RWDD4: variants seen among roughly 807,000 people sequenced by gnomAD.
RWDD4 encodes the protein RWD domain-containing protein 4.
In RWDD4, 16 loss-of-function variants were observed where a neutral mutation model predicts 30.0. The ratio of observed to expected loss-of-function variants is 0.53; its 90% CI spans 0.36 to 0.81. The LOEUF (loss-of-function observed/expected upper bound fraction) is 0.81, where lower values mean the gene tolerates loss of function less well. Ranked by LOEUF, RWDD4 falls within the 30% of genes least tolerant of loss-of-function variation. The pLI is 0.00. For missense variants in RWDD4, 170 were observed against 223.9 expected (o/e 0.76, Z 1.54); for synonymous variants, 45 against 72.1 (o/e 0.62, Z 1.90).
At chr4:183,646,457 G>A in intron 6 of RWDD4, 31 bp downstream of exon 6, 1 of 1,605,032 alleles carries the variant, frequency 6.2e-7, no homozygotes, top group East Asian at 2.2e-5. Flanking sequence ...ATTGTAACAA[G>A]TTTAAAGACT....
chr4:183,657,141 C>T (rs1734210360), intron 1 of RWDD4, among the ~76,000 whole-genome samples: 1 of 152,156 alleles, frequency 6.6e-6, no homozygotes, highest in Admixed American at 6.6e-5. Flanking sequence ...AAGATATACC[C>T]TTCTTAGATA....
intron 4 of RWDD4, among the ~76,000 whole-genome samples, chr4:183,650,753 TTA>T (rs111660308): frequency 0.26 from 38,761 of 151,926 alleles, 6,117 homozygotes; most frequent in African/African-American, 0.44. Context: ...GGTGGGCATG[TTA>T]TATATATTCT....
intron 2 of RWDD4, among the ~76,000 whole-genome samples, chr4:183,654,394 TAGG>T (rs1561013787): frequency 6.6e-6 from 1 of 152,146 alleles, no homozygotes; most frequent in African/African-American, 2.4e-5. Context: ...GGAAGTCAAC[TAGG>T]AGGCTACCAG....
At position 183,651,112 on chromosome 4, in the gene RWDD4, T is replaced by C; in HGVS notation, c.235A>G (p.Ser79Gly). 1 of 1,614,138 alleles carries C rather than the reference T, an allele frequency of 6.2e-7. No homozygotes were observed. Among genetic ancestry groups the C allele is most frequent in the Non-Finnish European group, 8.5e-7 (1 of 1,180,000 alleles). The change falls in exon 4 of 8, where the codon AGT (serine) becomes GGT (glycine). Residue 79 changes from serine to glycine, a missense_variant. Coordinates refer to ENST00000326397, the MANE Select transcript of RWDD4 (RefSeq NM_152682.4). ...NNTISSAVKQSILAKLQEAVE... is the reference protein window; with the variant it reads ...NNTISSAVKQGILAKLQEAVE... ...GCTTCCTGTAGCTTGGCTAATATAC[T>C]CTGCTTTACAGCTGATGATCTACAA...
intron 2 of RWDD4, among the ~76,000 whole-genome samples, chr4:183,652,311 G>A (rs1222969402): frequency 3.3e-5 from 5 of 149,774 alleles, no homozygotes; most frequent in Non-Finnish European, 5.9e-5. Context: ...GAGTTGTTAT[G>A]CCTCTTTATT....
intron 5 of RWDD4, 49 bp downstream of exon 5, chr4:183,649,402 G>A: frequency 8.1e-7 from 1 of 1,240,586 alleles, no homozygotes; most frequent in East Asian, 2.3e-5. Flanking sequence ...CAACAAGAGT[G>A]AGACTCTGTC....
intron 4 of RWDD4, 124 bp downstream of exon 4, chr4:183,650,860 G>T (rs1734059290): frequency 2.3e-6 from 2 of 851,596 alleles, no homozygotes; most frequent in Non-Finnish European, 3.5e-6. Flanking sequence ...TTTAACTCAG[G>T]TGTAACTCTC....
chr4:183,652,041 T>C (rs1489665626), intron 2 of RWDD4, among the ~76,000 whole-genome samples: 2 of 152,118 alleles, frequency 1.3e-5, no homozygotes, highest in African/African-American at 2.4e-5. Flanking sequence ...CCAATGTGAT[T>C]TTTTTCCCCT....
At chr4:183,655,383 G>A (rs1734168332) in intron 2 of RWDD4, among the ~76,000 whole-genome samples, 2 of 151,566 alleles carry the variant, frequency 1.3e-5, no homozygotes, top group Non-Finnish European at 2.9e-5. Context: ...CCGGGTTCAC[G>A]CCATTCTCCT....
chr4:183,656,195 G>A (rs5019706), intron 1 of RWDD4: 272,485 of 320,040 alleles, frequency 0.85, 118,479 homozygotes, highest in East Asian at 1. Flanking sequence ...GTATGATCGC[G>A]CTGACTTCTC....
chr4:183,654,650 C>T (rs943230190), intron 2 of RWDD4, among the ~76,000 whole-genome samples: 1 of 152,170 alleles, frequency 6.6e-6, no homozygotes, highest in Non-Finnish European at 1.5e-5. Flanking sequence ...AAATTCTCGA[C>T]CTCCCATTTG....
At chr4:183,652,877 C>A (rs1734112332) in intron 2 of RWDD4, among the ~76,000 whole-genome samples, 2 of 147,620 alleles carry the variant, frequency 1.4e-5, no homozygotes, top group Admixed American at 6.6e-5. Context: ...CAGGCGTGTG[C>A]CCCATGCCAG....
In RWDD4 at chr4:183,642,396, A is replaced by T. The variant is rs544680619; in HGVS notation, c.535-928T>A. Among the ~76,000 whole-genome samples, 11 of 85,708 alleles carry T rather than the reference A, an allele frequency of 1.3e-4. 5 individuals are homozygous for T. Among genetic ancestry groups the T allele is most frequent in the South Asian group, 6.8e-4 (2 of 2,958 alleles). The allele number at this position is 85,708 out of a possible 152,430, so 56.2% of individuals were successfully genotyped here. The stretch of plus-strand genomic sequence containing the variant: ...AGTAGAGACGGGGTTTCACCGTGTT[A>T]GCCAGGATGGTCTCGATCTCCTGAC... On this transcript the variant is annotated intron_variant, in intron 7 of 7. Transcript: ENST00000326397.
Position 183,658,976 on chromosome 4 carries a change from T to A in RWDD4, c.-24A>T. 1 of 1,272,412 alleles carries A rather than the reference T, an allele frequency of 7.9e-7. No homozygotes were observed. The highest frequency in any genetic ancestry group is 9.9e-7 in the Non-Finnish European group (1 of 1,010,114). 78.8% of individuals were successfully genotyped at this position (1,272,412 alleles called of 1,614,324 possible). On this transcript the variant is annotated 5_prime_UTR_variant, in exon 1 of 8. Coordinates refer to ENST00000326397, the MANE Select transcript of RWDD4 (RefSeq NM_152682.4). ...ATCGCGCCGGTCGCGGGGCGCCTCC[T>A]GAGCGGACGGCGTTCGCAACAACGA...
chr4:183,655,846 A>G (rs950718394), intron 2 of RWDD4, 35 bp downstream of exon 2: 1 of 1,304,138 alleles, frequency 7.7e-7, no homozygotes, highest in Non-Finnish European at 1.1e-6. Flanking sequence ...TTTTCTAGAA[A>G]AGTTCTAAGT....
rs1734315892 is a variant in RWDD4, at chr4:183,659,153, A to G, written c.-201T>C. On this transcript the variant is annotated 5_prime_UTR_variant, in exon 1 of 8. Coordinates refer to ENST00000326397, the MANE Select transcript of RWDD4 (RefSeq NM_152682.4). ...CGCCGGCAGTGGGCTGTGGGCTACGAGCCGGAGCCGCGGCTGGTGGGGCCT... is the reference window on the plus strand; with the variant it reads ...CGCCGGCAGTGGGCTGTGGGCTACGGGCCGGAGCCGCGGCTGGTGGGGCCT... 4.9e-6 allele frequency: 2 copies of G among 408,466 alleles called. No homozygotes were observed. The highest frequency in any genetic ancestry group is 8.4e-6 in the Non-Finnish European group (2 of 236,780). 25.3% of individuals were successfully genotyped at this position (408,466 alleles called of 1,614,324 possible). A position where few individuals can be genotyped will look rare whatever the true frequency, so the allele number is the denominator to read the frequency against.
chr4:183,643,315 C>T (rs1191343752), intron 7 of RWDD4, among the ~76,000 whole-genome samples: 1 of 139,272 alleles, frequency 7.2e-6, no homozygotes, highest in African/African-American at 2.6e-5. Flanking sequence ...TAGTCCCAGG[C>T]TGAGGTAGAA....
intron 7 of RWDD4, among the ~76,000 whole-genome samples, chr4:183,642,613 G>GA (rs1387306817): frequency 6.6e-6 from 1 of 151,788 alleles, no homozygotes; most frequent in Non-Finnish European, 1.5e-5. Flanking sequence ...AGAACAACCT[G>GA]GGTTAATATG....
intron 1 of RWDD4, among the ~76,000 whole-genome samples, chr4:183,657,853 T>G (rs978618933): frequency 6.6e-6 from 1 of 152,210 alleles, no homozygotes; most frequent in Non-Finnish European, 1.5e-5. Flanking sequence ...GAAATTTTCT[T>G]GTTAAACTGG....
Sources: gnomAD v4.1 joint callset for allele counts (sites outside exome capture counted in the v4.1 genomes callset) on GRCh38, gnomAD v4.1.1 for gene constraint, MANE v1.5 for transcripts, NCBI Gene and HGNC (gene_info 2026-07-23, HGNC 2026-07-21) for gene names.